The following PKIG variants were observed in gnomAD, a reference collection of about 807,000 sequenced individuals.
PKIG encodes the protein protein kinase (cAMP-dependent, catalytic) inhibitor gamma.
In PKIG, 1 loss-of-function variant was observed where a neutral mutation model predicts 6.8. The observed-to-expected ratio is 0.15, with a 90% CI of 0.05 to 0.69. PKIG has a LOEUF of 0.69. Among genes scored for constraint, PKIG ranks in the 30% least tolerant of loss-of-function variants. PKIG has a pLI of 0.82. For missense variants in PKIG, 77 were observed against 104.0 expected (o/e 0.74, Z 1.13); for synonymous variants, 39 against 43.0 (o/e 0.91, Z 0.36).
chr20:44,602,608 G>A (rs1006724864), intron 2 of PKIG, among the ~76,000 whole-genome samples: 6 of 151,814 alleles, frequency 4.0e-5, no homozygotes, highest in Non-Finnish European at 8.8e-5. Flanking sequence ...CGAGGCAGGT[G>A]GATCACTTGA....
At chr20:44,573,139 A>T (rs987690397) in intron 1 of PKIG, among the ~76,000 whole-genome samples, 2 of 152,248 alleles carry the variant, frequency 1.3e-5, no homozygotes, top group Admixed American at 6.5e-5. Flanking sequence ...CCAGCAACTC[A>T]TCTGCTCTGT....
At chr20:44,611,667 C>T (rs1409692367) in intron 2 of PKIG, among the ~76,000 whole-genome samples, 1 of 151,920 alleles carries the variant, frequency 6.6e-6, no homozygotes, top group East Asian at 1.9e-4. Context: ...CAGGCGCCTG[C>T]CACCACGCCT....
chr20:44,602,771 G>A (rs1162438013), intron 2 of PKIG, among the ~76,000 whole-genome samples: 2 of 151,566 alleles, frequency 1.3e-5, no homozygotes, highest in Non-Finnish European at 2.9e-5. Context: ...AACCGGGGAG[G>A]TGGAGGTTGC....
chr20:44,565,129 T>A (rs2064799658), intron 1 of PKIG, among the ~76,000 whole-genome samples: 1 of 152,266 alleles, frequency 6.6e-6, no homozygotes, highest in Admixed American at 6.5e-5. Context: ...TTTCTCACCA[T>A]TCTAACTAAA....
chr20:44,556,444 C>G (rs2064713895), intron 1 of PKIG, among the ~76,000 whole-genome samples: 2 of 152,124 alleles, frequency 1.3e-5, no homozygotes, highest in African/African-American at 4.8e-5. Flanking sequence ...CTCACTGCAA[C>G]CTCTGCCTCC....
intron 1 of PKIG, among the ~76,000 whole-genome samples, chr20:44,536,444 G>A (rs760428146): frequency 9.9e-5 from 15 of 152,168 alleles, no homozygotes; most frequent in Non-Finnish European, 2.2e-4. Context: ...AAGGGCAGTG[G>A]CAGCGGAAAG....
At chr20:44,580,896 G>A (rs958592471), upstream of PKIG, among the ~76,000 whole-genome samples, 1 of 152,128 alleles carries the variant, frequency 6.6e-6, no homozygotes, top group East Asian at 1.9e-4. Context: ...CATCAAAGTG[G>A]CATTGAAACA....
At chr20:44,559,399 T>G (rs2064747089) in intron 1 of PKIG, among the ~76,000 whole-genome samples, 1 of 152,232 alleles carries the variant, frequency 6.6e-6, no homozygotes, top group Non-Finnish European at 1.5e-5. Context: ...CTTACAAACC[T>G]TTTGGCTTTG....
intron 1 of PKIG, among the ~76,000 whole-genome samples, chr20:44,554,416 T>C (rs1002041545): frequency 1.3e-4 from 20 of 152,108 alleles, no homozygotes; most frequent in African/African-American, 3.9e-4. Context: ...ATTTAACATA[T>C]AGTGAAATGC....
chr20:44,563,823 AC>A (rs1169673794), intron 1 of PKIG, among the ~76,000 whole-genome samples: 3 of 152,072 alleles, frequency 2.0e-5, no homozygotes, highest in Non-Finnish European at 4.4e-5. Context: ...GAGCCACTGC[AC>A]CTGGCTGTCT....
upstream of PKIG, among the ~76,000 whole-genome samples, chr20:44,578,494 A>G (rs1258354580): frequency 6.6e-6 from 1 of 151,990 alleles, no homozygotes; most frequent in Non-Finnish European, 1.5e-5. Flanking sequence ...TGCTGGGATT[A>G]CAGGCGTCAG....
chr20:44,589,925 ATCTT>A (rs2065021187), intron 2 of PKIG, 59 bp downstream of exon 2: 1 of 152,342 alleles, frequency 6.6e-6, no homozygotes, highest in African/African-American at 2.4e-5. Context: ...TTGCCTGAAT[ATCTT>A]TATTTCTGGT....
intron 2 of PKIG, among the ~76,000 whole-genome samples, chr20:44,597,293 G>C (rs373826259): frequency 7.5e-5 from 10 of 133,272 alleles, no homozygotes; most frequent in East Asian, 2.2e-4. Context: ...ATTACTATGA[G>C]AAACTATCCT....
chr20:44,569,866 C>T lies in PKIG; in HGVS notation c.-240-12719C>T, dbSNP rs244117. Among the ~76,000 whole-genome samples, 493 of 152,250 alleles carry T rather than the reference C, an allele frequency of 3.2e-3. 1 individual carries two copies. Among genetic ancestry groups the T allele is most frequent in the African/African-American group, 0.011 (458 of 41,532 alleles). ...AATGTAGGCTGGGCTCAGTGGCTCA[C>T]GCCTGTAATCCCAGCACTGTGGGAG... is the stretch of plus-strand genomic sequence containing the variant. On this transcript the variant is annotated intron_variant, in intron 1 of 4. Coordinates refer to the PKIG transcript ENST00000372887.
intron 2 of PKIG, chr20:44,598,849 G>A (rs1363992483): frequency 1.3e-5 from 2 of 152,150 alleles, no homozygotes; most frequent in East Asian, 3.9e-4. Flanking sequence ...CCTGTGTGAA[G>A]TAGTAACACC....
rs545678227 is a variant in PKIG, at chr20:44,600,503, A to G, written c.-24+10637A>G. Among the ~76,000 whole-genome samples the G allele has an allele frequency of 2.0e-5, 3 of 152,156 alleles. 1 individual carries two copies. Among genetic ancestry groups the G allele is most frequent in the African/African-American group, 7.2e-5 (3 of 41,514 alleles). On this transcript the variant is annotated intron_variant, in intron 2 of 3. Transcript: ENST00000372886. Reference sequence around the variant, plus strand: ...AGACATTCCGGAGCCTGGGTGGTGCATGTGGAGGAGAGAGGTCAGCAGATT... The same window carrying G: ...AGACATTCCGGAGCCTGGGTGGTGCGTGTGGAGGAGAGAGGTCAGCAGATT...
rs543349955 is a variant in PKIG at position 44,601,156 on chromosome 20, C to T, written c.-24+11290C>T. 1.6e-3 allele frequency among the ~76,000 whole-genome samples: 249 copies of T among 152,260 alleles called. 1 individual carries two copies. The highest frequency in any genetic ancestry group is 5.9e-3 in the African/African-American group (245 of 41,552). On this transcript the variant is annotated intron_variant, in intron 2 of 3. Transcript: ENST00000372886. ...GGAAGAGGAGGACAGAAAGGTGTCCCTGGGGATAGGCACCGTAGAAGTCAC... is the reference window on the plus strand; with the variant it reads ...GGAAGAGGAGGACAGAAAGGTGTCCTTGGGGATAGGCACCGTAGAAGTCAC...
chr20:44,575,077 A>C (rs1198532963), intron 1 of PKIG, among the ~76,000 whole-genome samples: 5 of 151,626 alleles, frequency 3.3e-5, no homozygotes, highest in African/African-American at 1.2e-4. Context: ...TTTTTGAGAC[A>C]GTCTCGCTCT....
intron 1 of PKIG, among the ~76,000 whole-genome samples, chr20:44,537,491 C>T (rs2064523152): frequency 1.3e-5 from 2 of 151,958 alleles, no homozygotes; most frequent in African/African-American, 4.8e-5. Context: ...GCCTCGGCCT[C>T]CCAAAGTGCT....
Sources: gnomAD v4.1 joint callset for allele counts (sites outside exome capture counted in the v4.1 genomes callset) on GRCh38, gnomAD v4.1.1 for gene constraint, MANE v1.5 for transcripts, NCBI Gene and HGNC (gene_info 2026-07-23, HGNC 2026-07-21) for gene names.